GBP3: variants seen among roughly 807,000 people sequenced by gnomAD.
The protein encoded by GBP3 is guanylate binding protein 3, also known as guanylate-binding protein 3.
GBP3 carries 55 observed loss-of-function variants against 62.4 expected under a neutral mutation model. The ratio of observed to expected loss-of-function variants is 0.88; its 90% CI spans 0.71 to 1.10. GBP3 has a LOEUF of 1.10. Ranked by LOEUF, GBP3 falls within the 50% of genes least tolerant of loss-of-function variation. The probability of loss-of-function intolerance (pLI) is 0.00; values close to 1 mark genes in which losing one functional copy is unlikely to be tolerated. For missense variants in GBP3, 605 were observed against 690.6 expected (o/e 0.88, Z 1.39); for synonymous variants, 208 against 259.2 (o/e 0.80, Z 1.90).
chr1:89,021,542 A>ACCCC (rs1553178213), intron 1 of GBP3, among the ~76,000 whole-genome samples: 1 of 125,476 alleles, frequency 8.0e-6, no homozygotes, highest in Non-Finnish European at 1.9e-5. Flanking sequence ...ACACACACAC[A>ACCCC]CACCCCAAAA....
At chr1:89,011,205 A>G in intron 7 of GBP3, 89 bp from the exon 8 acceptor site, 1 of 1,402,682 alleles carries the variant, frequency 7.1e-7, no homozygotes, top group African/African-American at 1.4e-5. Context: ...CCGAAAATAA[A>G]CAGTCAATGA....
chr1:89,021,510 G>GCGCGCGCGCGCGCGCGCACACA (rs751639388), intron 1 of GBP3, among the ~76,000 whole-genome samples: 11 of 131,668 alleles, frequency 8.4e-5, no homozygotes, highest in African/African-American at 3.3e-4. Flanking sequence ...GCGCGCGCGC[G>GCGCGCGCGCGCGCGCGCACACA]CACACACACA....
rs1678266870 is a variant in GBP3 at position 89,007,233 on chromosome 1, G to C, written c.*491C>G. On this transcript the variant is annotated 3_prime_UTR_variant, in exon 11 of 11. Transcript: ENST00000370481. ...AAGATTCTAGATCTCTGTATAAGAT[G>C]GTTTGCTTTAGCTTGAGATCCATCA... The C allele has an allele frequency of 6.6e-6, 1 of 152,362 alleles. No homozygotes were observed. Among genetic ancestry groups the C allele is most frequent in the Non-Finnish European group, 1.5e-5 (1 of 68,182 alleles). 9.4% of individuals were successfully genotyped at this position (152,362 alleles called of 1,614,324 possible). A position where few individuals can be genotyped will look rare whatever the true frequency, so the allele number is the denominator to read the frequency against.
Position 89,007,772 on chromosome 1 carries a change from G to A in GBP3, c.1740C>T (p.Thr580=). The change falls in exon 11 of 11, where the codon ACC becomes ACT. Residue 580 remains threonine (T), a synonymous_variant. Coordinates refer to ENST00000370481, the MANE Select transcript of GBP3 (RefSeq NM_018284.3). ...TATATCTCTTGGTTTTTTTTTTCAGGGTCTTCTGTAGCTTTTGTATCTCAT... is the reference window on the plus strand; with the variant it reads ...TATATCTCTTGGTTTTTTTTTTCAGAGTCTTCTGTAGCTTTTGTATCTCAT... ...LQNEIQKLQK[T]LKKKTKRYMS... The A allele has an allele frequency of 1.2e-6, 2 of 1,611,464 alleles. No individual in the cohort carries two copies. Among genetic ancestry groups the A allele is most frequent in the Middle Eastern group, 3.3e-4 (2 of 6,050 alleles).
At chr1:89,018,792 TGGC>T (rs1679020163) in intron 2 of GBP3, among the ~76,000 whole-genome samples, 1 of 152,170 alleles carries the variant, frequency 6.6e-6, no homozygotes, top group Non-Finnish European at 1.5e-5. Context: ...TAATAAATGC[TGGC>T]ATATCCAGTG....
At chr1:89,007,909 C>A (rs1365735730) in intron 10 of GBP3, 57 bp from the exon 11 acceptor site, 19 of 1,512,536 alleles carry the variant, frequency 1.3e-5, no homozygotes, top group Non-Finnish European at 1.7e-5. Context: ...TCTCTGTAAG[C>A]TATCTAGTTT....
At position 89,020,522 on chromosome 1, in the gene GBP3, T is replaced by C; in HGVS notation, c.190+10A>G. 1 of 1,614,132 alleles carries C rather than the reference T, an allele frequency of 6.2e-7. No homozygotes were observed. Among genetic ancestry groups the C allele is most frequent in the African/African-American group, 1.3e-5 (1 of 75,052 alleles). On this transcript the variant is annotated intron_variant, in intron 2 of 10. Coordinates refer to ENST00000370481, the MANE Select transcript of GBP3 (RefSeq NM_018284.3). ...AAGGGACTTGGCAGAGCTTTGCTCA[T>C]GCCACTCACCCTTATTCTTCCCAGC... is the stretch of plus-strand genomic sequence containing the variant.
At position 89,011,390 on chromosome 1, in the gene GBP3, A is replaced by G. The variant is rs768531793; in HGVS notation, c.1150-274T>C. ...TATTGGACTAATGATTTCATATGGA[A>G]TAAATGTGGCTGAACAGAAGCCTGC... On this transcript the variant is annotated intron_variant, in intron 7 of 10. Coordinates refer to ENST00000370481, the MANE Select transcript of GBP3 (RefSeq NM_018284.3). Among the ~76,000 whole-genome samples, 11 of 139,678 alleles carry G rather than the reference A, an allele frequency of 7.9e-5. 2 individuals are homozygous for G. The highest frequency in any genetic ancestry group is 1.5e-4 in the Admixed American group (2 of 13,638). 91.6% of individuals were successfully genotyped at this position (139,678 alleles called of 152,430 possible).
At chr1:89,015,183 C>A in intron 3 of GBP3, 104 bp downstream of exon 3, 1 of 1,213,274 alleles carries the variant, frequency 8.2e-7, no homozygotes, top group Non-Finnish European at 1.1e-6. Flanking sequence ...AATGAAAAGA[C>A]AAATTATAGT....
In GBP3 at chr1:89,008,947, C is replaced by T. The variant is rs1678390411; in HGVS notation, c.1659G>A (p.Gln553=). ...EQEKTLTSKL[Q]EQARVLKERC... ...ACCACAAGGTGATGCATTTGGATAC[C>T]TGAAGTTTACTAGTGAGGGTCTTCT... is the stretch of plus-strand genomic sequence containing the variant. The change falls in exon 10 of 11, where the codon CAG becomes CAA. Residue 553 remains glutamine, a splice_region_variant and synonymous_variant. Transcript: ENST00000370481. 4 of 1,614,040 alleles carry T rather than the reference C, an allele frequency of 2.5e-6. No homozygotes were observed. Among genetic ancestry groups the T allele is most frequent in the South Asian group, 1.1e-5 (1 of 91,082 alleles).
rs759837506 is a variant in GBP3 at position 89,010,897 on chromosome 1, T to C, written c.1362+7A>G. The C allele has an allele frequency of 9.6e-6, 14 of 1,461,864 alleles. 4 individuals carry two copies. The South Asian group carries it at 1.7e-4, about 17-fold the overall frequency. The allele number at this position is 1,461,864 out of a possible 1,614,324, so 90.6% of individuals were successfully genotyped here. ...GTTTCCATAATCGACAGATGAATCTTGGTTACCTGTATCCCCTTCCTTGGT... is the reference window on the plus strand; with the variant it reads ...GTTTCCATAATCGACAGATGAATCTCGGTTACCTGTATCCCCTTCCTTGGT... On this transcript the variant is annotated splice_region_variant and intron_variant, in intron 8 of 10. Transcript: ENST00000370481.
chr1:89,014,917 G>A (rs17130690), intron 3 of GBP3, among the ~76,000 whole-genome samples: 11,955 of 152,154 alleles, frequency 0.079, 1,575 homozygotes, highest in African/African-American at 0.27. Flanking sequence ...AAACATTCAA[G>A]GTTAATGGGC....
In GBP3 at chr1:89,014,585, G is replaced by A; in HGVS notation, c.390C>T (p.Ser130=). Residue 130 remains serine, a synonymous_variant, in exon 4 of 11, where the codon AGC becomes AGT. Transcript: ENST00000370481. ...VLLSSTLVYN[S]MGTINQQAMD... ...TAGCCTGCTGGTTGATGGTTCCCAT[G>A]CTATTGTACACGAGAGTGCTGCTCA... 1.9e-6 allele frequency: 3 copies of A among 1,614,104 alleles called. No homozygotes were observed. The highest frequency in any genetic ancestry group is 2.2e-5 in the East Asian group (1 of 44,876).
intron 2 of GBP3, among the ~76,000 whole-genome samples, chr1:89,016,355 C>A (rs1678887368): frequency 6.6e-6 from 1 of 152,086 alleles, no homozygotes; most frequent in African/African-American, 2.4e-5. Context: ...ACTACACACA[C>A]ACACACACAC....
chr1:89,020,330 A>C (rs1426571280), intron 2 of GBP3: 6 of 631,866 alleles, frequency 9.5e-6, no homozygotes, highest in East Asian at 5.6e-5. Context: ...CATGGTGAAC[A>C]GTCAATTGAG....
intron 9 of GBP3, 39 bp from the exon 10 acceptor site, chr1:89,009,179 G>A (rs1474284085): frequency 6.3e-7 from 1 of 1,595,800 alleles, no homozygotes; most frequent in Non-Finnish European, 8.6e-7. Flanking sequence ...GAGTTATCTT[G>A]TTGCCTCATT....
At chr1:89,009,178 T>C in intron 9 of GBP3, 38 bp from the exon 10 acceptor site, 2 of 1,596,664 alleles carry the variant, frequency 1.3e-6, no homozygotes, top group Non-Finnish European at 1.7e-6. Flanking sequence ...GGAGTTATCT[T>C]GTTGCCTCAT....
chr1:89,019,804 A>G (rs925279320), intron 2 of GBP3, among the ~76,000 whole-genome samples: 8 of 152,206 alleles, frequency 5.3e-5, no homozygotes, highest in Non-Finnish European at 2.9e-5. Flanking sequence ...GAAGATTAAA[A>G]AGTTCTGGAA....
In GBP3 at chr1:89,009,020, A is replaced by G; in HGVS notation, c.1586T>C (p.Leu529Ser). 1 of 1,614,218 alleles carries G rather than the reference A, an allele frequency of 6.2e-7. No homozygotes were observed. Among genetic ancestry groups the G allele is most frequent in the East Asian group, 2.2e-5 (1 of 44,888 alleles). The change falls in exon 10 of 11, where the codon TTG becomes TCG. Residue 529 changes from leucine (L) to serine (S), a missense_variant. Transcript: ENST00000370481. ...EKSYQEHVKQ[L>S]TEKMERERAQ... is the part of the protein sequence containing the mutation. ...CCTCTCCCTCTCCATCTTCTCAGTC[A>G]ATTGTTTCACATGTTCTTGATAACT...
Sources: allele counts gnomAD v4.1 joint callset (sites outside exome capture counted in the v4.1 genomes callset), GRCh38; gene constraint gnomAD v4.1.1; transcripts MANE v1.5; gene names NCBI Gene and HGNC (gene_info 2026-07-23, HGNC 2026-07-21).